PHF21B: variants seen among roughly 807,000 people sequenced by gnomAD.
PHF21B encodes PHD finger protein 21B, also known as PHD finger protein 4.
Under a neutral mutation model 62.2 loss-of-function variants are expected in PHF21B, and 22 were observed. That is an observed-to-expected ratio of 0.35 (90% confidence interval 0.25 to 0.51). The LOEUF is 0.51. Ranked by LOEUF, PHF21B falls within the 20% of genes least tolerant of loss-of-function variation. The pLI, the probability that PHF21B is intolerant of heterozygous loss-of-function variation, is 0.97. For missense variants in PHF21B, 701 were observed against 707.9 expected, an observed-to-expected ratio of 0.99 and a Z score of 0.11; for synonymous variants, 341 against 314.7, an observed-to-expected ratio of 1.08 and a Z score of -0.88.
intron 2 of PHF21B, among the ~76,000 whole-genome samples, chr22:45,007,752 G>GGGAGGGGCAGC (rs1316225958): frequency 1.0e-4 from 15 of 144,496 alleles, no homozygotes; most frequent in African/African-American, 3.8e-4. Flanking sequence ...GGCGCGGCGG[G>GGGAGGGGCAGC]GGAGGGGCAG....
chr22:45,005,806 T>TA (rs2073304528), intron 2 of PHF21B, among the ~76,000 whole-genome samples: 2 of 152,276 alleles, frequency 1.3e-5, no homozygotes, highest in South Asian at 4.2e-4. Flanking sequence ...AGCGTTTCCC[T>TA]AAGCGACTCT....
At chr22:44,923,331 C>CAAAAAAA (rs34100382) in intron 2 of PHF21B, among the ~76,000 whole-genome samples, 2 of 125,102 alleles carry the variant, frequency 1.6e-5, no homozygotes, top group African/African-American at 2.9e-5. Flanking sequence ...CATACCATAT[C>CAAAAAAA]AAAAAAAAAA....
chr22:45,006,363 C>G (rs1269534268), intron 2 of PHF21B, among the ~76,000 whole-genome samples: 5 of 152,166 alleles, frequency 3.3e-5, no homozygotes. Flanking sequence ...TGCTTTCTTT[C>G]TTTTTAAACA....
At chr22:44,887,570 C>A (rs1439923304) in intron 10 of PHF21B, among the ~76,000 whole-genome samples, 1 of 151,908 alleles carries the variant, frequency 6.6e-6, no homozygotes, top group East Asian at 1.9e-4. Flanking sequence ...GCCTGGCCAA[C>A]ATGGTGAAAC....
intron 2 of PHF21B, among the ~76,000 whole-genome samples, chr22:44,952,348 A>C (rs2072211030): frequency 6.6e-6 from 1 of 152,236 alleles, no homozygotes; most frequent in African/African-American, 2.4e-5. Flanking sequence ...TGTCTCAAAA[A>C]AGAAAATAAA....
At chr22:44,911,331 T>G (rs1164609991) in intron 5 of PHF21B, among the ~76,000 whole-genome samples, 2 of 152,202 alleles carry the variant, frequency 1.3e-5, no homozygotes, top group Non-Finnish European at 1.5e-5. Flanking sequence ...GAGTTACTTA[T>G]GTTAATCACC....
At chr22:44,976,805 G>T (rs554113902) in intron 2 of PHF21B, among the ~76,000 whole-genome samples, 6 of 152,364 alleles carry the variant, frequency 3.9e-5, no homozygotes, top group South Asian at 2.1e-4. Context: ...AACATTTGAA[G>T]AATAATACCA....
intron 2 of PHF21B, among the ~76,000 whole-genome samples, chr22:44,931,095 C>T (rs548676988): frequency 6.6e-6 from 1 of 152,312 alleles, no homozygotes; most frequent in South Asian, 2.1e-4. Context: ...CGCTCTGTTG[C>T]CCCAACTGCA....
chr22:44,999,953 C>T (rs912939866), intron 2 of PHF21B, among the ~76,000 whole-genome samples: 8 of 152,150 alleles, frequency 5.3e-5, no homozygotes, highest in Admixed American at 1.3e-4. Context: ...ACTCACTAAT[C>T]CTGCGGCCTC....
rs1421437720 is a variant in PHF21B, at chr22:44,881,575, A to G, written c.*1511T>C. The stretch of plus-strand genomic sequence containing the variant: ...GTATTAAAATAGATCTGTATCATAC[A>G]GCACAGTTTCTCCCGGAGTCGTGAG... On this transcript the variant is annotated 3_prime_UTR_variant, in exon 13 of 13. Transcript: ENST00000313237. 1 of 152,736 alleles carries G rather than the reference A, an allele frequency of 6.5e-6. No homozygotes were observed. The highest frequency in any genetic ancestry group is 2.4e-5 in the African/African-American group (1 of 41,466). 9.5% of individuals were successfully genotyped at this position (152,736 alleles called of 1,614,324 possible).
At chr22:44,912,511 C>T (rs1235920854) in intron 5 of PHF21B, among the ~76,000 whole-genome samples, 6 of 151,854 alleles carry the variant, frequency 4.0e-5, no homozygotes, top group Admixed American at 1.3e-4. Flanking sequence ...GTTTAAAAAA[C>T]GGGAGCTTCC....
chr22:44,999,557 G>A, intron 2 of PHF21B, among the ~76,000 whole-genome samples: 1 of 152,184 alleles, frequency 6.6e-6, no homozygotes, highest in Non-Finnish European at 1.5e-5. Flanking sequence ...GCGGTCACCA[G>A]GACGGTTACT....
At chr22:44,891,608 C>T (rs1371601228) in intron 7 of PHF21B, among the ~76,000 whole-genome samples, 1 of 152,226 alleles carries the variant, frequency 6.6e-6, no homozygotes, top group African/African-American at 2.4e-5. Flanking sequence ...AGGCCTAGGA[C>T]ACCCTCTCTG....
intron 2 of PHF21B, among the ~76,000 whole-genome samples, chr22:44,937,814 C>T (rs541135399): frequency 3.9e-5 from 6 of 152,202 alleles, no homozygotes; most frequent in South Asian, 2.1e-4. Flanking sequence ...CTGCGTGGAA[C>T]GAAGGGAGCC....
intron 2 of PHF21B, among the ~76,000 whole-genome samples, chr22:44,981,492 G>C (rs560895357): frequency 6.6e-6 from 1 of 152,262 alleles, no homozygotes; most frequent in South Asian, 2.1e-4. Context: ...CTGGCAGGCA[G>C]CAGGTGCTCA....
chr22:44,962,361 T>C (rs1211966937), intron 2 of PHF21B, among the ~76,000 whole-genome samples: 1 of 152,272 alleles, frequency 6.6e-6, no homozygotes, highest in South Asian at 2.1e-4. Context: ...AAGTTGAAAA[T>C]ACATTTAACA....
rs1468169731 is a variant in PHF21B at position 45,009,629 on chromosome 22, G to A, written c.-80C>T. ...TGCGCGGCTCCGCGGGGGCCAGAGC[G>A]GGCGCGGGCGGACGCGGCCTCCGGG... On this transcript the variant is annotated 5_prime_UTR_variant, in exon 1 of 13. Transcript: ENST00000313237. This position sits in a 1 kb window ranked among gnomAD's most constrained non-coding sequence, Gnocchi z 5.9. The A allele has an allele frequency of 5.0e-6, 7 of 1,390,620 alleles. No individual in the cohort carries two copies. Among genetic ancestry groups the A allele is most frequent in the Admixed American group, 3.1e-5 (1 of 32,530 alleles). The allele number at this position is 1,390,620 out of a possible 1,614,324, so 86.1% of individuals were successfully genotyped here. A position where few individuals can be genotyped will look rare whatever the true frequency, so the allele number is the denominator to read the frequency against.
chr22:45,008,500 AC>A, intron 2 of PHF21B, 44 bp downstream of exon 2: 1 of 1,483,134 alleles, frequency 6.7e-7, no homozygotes, highest in Non-Finnish European at 9.1e-7. Flanking sequence ...GTGCCCAGCC[AC>A]CCTCCCGCCC....
intron 2 of PHF21B, among the ~76,000 whole-genome samples, chr22:44,947,092 G>C (rs1362518691): frequency 6.6e-6 from 1 of 152,256 alleles, no homozygotes; most frequent in Non-Finnish European, 1.5e-5. Flanking sequence ...AGTTAAGCAA[G>C]TGGTCCAAGA....
Sources: allele counts gnomAD v4.1 joint callset (sites outside exome capture counted in the v4.1 genomes callset), GRCh38; gene constraint gnomAD v4.1.1; non-coding constraint Gnocchi (gnomAD v3.1); transcripts MANE v1.5; gene names NCBI Gene and HGNC (gene_info 2026-07-23, HGNC 2026-07-21).